POLE2: variants seen among roughly 807,000 people sequenced by gnomAD.
The protein encoded by POLE2 is DNA polymerase epsilon 2, accessory subunit.
A neutral mutation model predicts 79.4 loss-of-function variants in POLE2; 56 were observed. The ratio of observed to expected loss-of-function variants is 0.71; its 90% confidence interval spans 0.57 to 0.88. The LOEUF (loss-of-function observed/expected upper bound fraction) is 0.88, where lower values mean the gene tolerates loss of function less well. POLE2 is among the 40% of genes least tolerant of loss of function. The pLI is 0.00. For synonymous variants in POLE2, 212 were observed against 214.0 expected (o/e 0.99, Z 0.08); for missense variants, 598 against 638.9 (o/e 0.94, Z 0.69).
intron 17 of POLE2, 111 bp from the exon 18 acceptor site, chr14:49,647,471 T>C: frequency 3.0e-6 from 1 of 338,912 alleles, no homozygotes; most frequent in Non-Finnish European, 5.2e-6. Flanking sequence ...ATTTATTTTT[T>C]TTTTGAGACA....
intron 15 of POLE2, among the ~76,000 whole-genome samples, chr14:49,653,146 GT>G (rs1884400960): frequency 6.6e-6 from 1 of 152,192 alleles, no homozygotes; most frequent in South Asian, 2.1e-4. Flanking sequence ...GTTCACTTAG[GT>G]TGGGATGGTG....
At chr14:49,644,189 A>G (rs1378036384) in intron 18 of POLE2, among the ~76,000 whole-genome samples, 1 of 148,804 alleles carries the variant, frequency 6.7e-6, no homozygotes, top group Non-Finnish European at 1.5e-5. Context: ...GCCAACAACT[A>G]TATGTCCTTT....
intron 6 of POLE2, among the ~76,000 whole-genome samples, chr14:49,668,379 G>A (rs919228663): frequency 6.6e-6 from 1 of 151,656 alleles, no homozygotes; most frequent in Non-Finnish European, 1.5e-5. Flanking sequence ...TCAGGAGGCT[G>A]GGGCAGGAGG....
At chr14:49,646,073 G>C (rs1364859113) in intron 18 of POLE2, among the ~76,000 whole-genome samples, 1 of 152,144 alleles carries the variant, frequency 6.6e-6, no homozygotes, top group Non-Finnish European at 1.5e-5. Context: ...GTGCCCTCAG[G>C]ATATCCAGCG....
At chr14:49,643,938 G>A (rs1883575870) in intron 18 of POLE2, among the ~76,000 whole-genome samples, 1 of 145,802 alleles carries the variant, frequency 6.9e-6, no homozygotes, top group Admixed American at 6.9e-5. Context: ...GGAGTGCAAT[G>A]GCGTAATCTC....
chr14:49,664,388 G>A (rs575680017), intron 9 of POLE2, among the ~76,000 whole-genome samples: 39 of 150,970 alleles, frequency 2.6e-4, no homozygotes, highest in African/African-American at 4.6e-4. Context: ...TGTGTAATTC[G>A]GTGATTTTTA....
At chr14:49,683,188 G>A (rs1178269982) in intron 2 of POLE2, among the ~76,000 whole-genome samples, 1 of 152,164 alleles carries the variant, frequency 6.6e-6, no homozygotes, top group South Asian at 2.1e-4. Flanking sequence ...GACTGCGTGA[G>A]CCCAGGAGTT....
chr14:49,647,384 A>T, intron 17 of POLE2, 24 bp from the exon 18 acceptor site: 1 of 1,271,460 alleles, frequency 7.9e-7, no homozygotes, highest in Middle Eastern at 2.1e-4. Flanking sequence ...AAATGCCTGT[A>T]AGTGAATGCT....
chr14:49,677,573 G>A, intron 3 of POLE2: 2 of 478,772 alleles, frequency 4.2e-6, no homozygotes, highest in Non-Finnish European at 7.5e-6. Flanking sequence ...ATCTCCTACT[G>A]AGCCCTAGAG....
At chr14:49,648,061 TCTCTCTAATGCAA>T (rs1883916057) in intron 17 of POLE2, among the ~76,000 whole-genome samples, 1 of 152,192 alleles carries the variant, frequency 6.6e-6, no homozygotes, top group East Asian at 1.9e-4. Context: ...TTCCTGCCCC[TCTCTCTAATGCAA>T]AACTGATTTG....
At chr14:49,651,147 G>A (rs552564002) in intron 16 of POLE2, 122 bp downstream of exon 16, 67 of 513,674 alleles carry the variant, frequency 1.3e-4, no homozygotes, top group African/African-American at 6.0e-4. Flanking sequence ...ACAAAAGTAC[G>A]TTCAAACTAT....
intron 6 of POLE2, among the ~76,000 whole-genome samples, chr14:49,667,291 T>C (rs1167917182): frequency 6.6e-6 from 1 of 152,132 alleles, no homozygotes; most frequent in Admixed American, 6.6e-5. Context: ...CTATACAGTT[T>C]ATTTACAAAG....
chr14:49,670,053 C>A (rs1885763491), intron 5 of POLE2, among the ~76,000 whole-genome samples: 1 of 152,024 alleles, frequency 6.6e-6, no homozygotes, highest in Non-Finnish European at 1.5e-5. Flanking sequence ...CGGTGGCTCA[C>A]ACCTGTAATC....
intron 2 of POLE2, among the ~76,000 whole-genome samples, chr14:49,682,644 A>AGG (rs1482566520): frequency 1.3e-4 from 18 of 133,974 alleles, no homozygotes; most frequent in African/African-American, 6.7e-4. Context: ...CTCAGGGAAA[A>AGG]AAAAAAAAAA....
chr14:49,683,958 A>C (rs138610701), intron 1 of POLE2, among the ~76,000 whole-genome samples: 1 of 152,286 alleles, frequency 6.6e-6, no homozygotes, highest in East Asian at 1.9e-4. Context: ...CTTTCTTCTG[A>C]AATTGTTAAA....
intron 5 of POLE2, 69 bp from the exon 6 acceptor site, chr14:49,669,667 GC>G: frequency 1.2e-6 from 1 of 805,788 alleles, no homozygotes; most frequent in East Asian, 2.5e-5. Flanking sequence ...TTAAAATAGT[GC>G]CCTGATGAAA....
At chr14:49,643,824 A>G (rs968020992) in intron 18 of POLE2, among the ~76,000 whole-genome samples, 154 bp from the exon 19 acceptor site, 3 of 152,068 alleles carry the variant, frequency 2.0e-5, no homozygotes, top group African/African-American at 7.2e-5. Flanking sequence ...GACTCTAAAA[A>G]ATAAGTCATT....
At chr14:49,687,167 T>C (rs1312232812) in intron 1 of POLE2, among the ~76,000 whole-genome samples, 1 of 151,736 alleles carries the variant, frequency 6.6e-6, no homozygotes, top group Non-Finnish European at 1.5e-5. Context: ...GGCCCATGCC[T>C]GCAGTCCCAG....
At chr14:49,662,570 C>T (rs1421191081) in intron 10 of POLE2, among the ~76,000 whole-genome samples, 3 of 152,218 alleles carry the variant, frequency 2.0e-5, no homozygotes, top group African/African-American at 7.2e-5. Context: ...AACTAGGGCA[C>T]ACATACATGC....
Sources: gnomAD v4.1 joint callset for allele counts (sites outside exome capture counted in the v4.1 genomes callset) on GRCh38, gnomAD v4.1.1 for gene constraint, MANE v1.5 for transcripts, NCBI Gene and HGNC (gene_info 2026-07-23, HGNC 2026-07-21) for gene names.